Variants in MTMR2 observed in about 807,000 individuals in gnomAD.
The protein encoded by MTMR2 is myotubularin related protein 2, also known as phosphatidylinositol-3,5-bisphosphate 3-phosphatase MTMR2.
Under a neutral mutation model 86.9 loss-of-function variants are expected in MTMR2, and 55 were observed. The observed-to-expected ratio is 0.63, with a 90% confidence interval of 0.51 to 0.79. MTMR2 has a LOEUF of 0.79. Among genes scored for constraint, MTMR2 ranks in the 30% least tolerant of loss-of-function variants. MTMR2 has a pLI of 0.00. For synonymous variants in MTMR2, 241 were observed against 266.8 expected, an observed-to-expected ratio of 0.90 and a Z score of 0.94; for missense variants, 659 against 772.3, an observed-to-expected ratio of 0.85 and a Z score of 1.74.
At position 95,862,352 on chromosome 11, in the gene MTMR2, A is replaced by T. The variant is rs1184835554; in HGVS notation, c.277T>A (p.Tyr93Asn). 6.2e-7 allele frequency: 1 copy of T among 1,614,004 alleles called. No individual in the cohort carries two copies. The highest frequency in any genetic ancestry group is 1.3e-5 in the African/African-American group (1 of 75,068). ...NIKDMAKDVT[Y>N]ICPFTGAVRG... Reference sequence around the variant, plus strand: ...ACAGCGCCAGTGAATGGACATATATAAGTTACATCTTTGGCTGAAAAAGCA... The same window carrying T: ...ACAGCGCCAGTGAATGGACATATATTAGTTACATCTTTGGCTGAAAAAGCA... Residue 93 changes from tyrosine (Y) to asparagine (N), a missense_variant, in exon 4 of 15, where the codon TAT becomes AAT. Physicochemically the swap from Tyr to Asn is moderately radical, Grantham distance 143. This residue lies in a region of MTMR2 where 387 missense variants were observed against 526.3 expected (regional missense o/e 0.74). Coordinates refer to ENST00000346299, the MANE Select transcript of MTMR2 (RefSeq NM_016156.6).
chr11:95,836,214 G>A lies in MTMR2; in HGVS notation c.1704C>T (p.Ala568=). 1 of 1,612,894 alleles carries A rather than the reference G, an allele frequency of 6.2e-7. No individual in the cohort carries two copies. The highest frequency in any genetic ancestry group is 8.5e-7 in the Non-Finnish European group (1 of 1,179,180). The change falls in exon 14 of 15, where the codon GCC becomes GCT. Residue 568 remains alanine, a synonymous_variant. Transcript: ENST00000346299. ...SYSNHVLYPV[A]SMRHLELWVG... Reference sequence around the variant, plus strand: ...CCCAGAGCTCTAGGTGGCGCATGCTGGCTACTGGATAAAGGACATGATTGG... The same window carrying A: ...CCCAGAGCTCTAGGTGGCGCATGCTAGCTACTGGATAAAGGACATGATTGG...
At chr11:95,904,857 C>G (rs142566630) in intron 1 of MTMR2, among the ~76,000 whole-genome samples, 3 of 152,202 alleles carry the variant, frequency 2.0e-5, no homozygotes, top group Non-Finnish European at 2.9e-5. Flanking sequence ...GGATCAGGAC[C>G]CCTTTCCGGT....
At chr11:95,845,383 A>C (rs1863743920) in intron 10 of MTMR2, among the ~76,000 whole-genome samples, 1 of 152,154 alleles carries the variant, frequency 6.6e-6, no homozygotes, top group Non-Finnish European at 1.5e-5. Context: ...TGCCCAACGA[A>C]ATAGCCAAAT....
intron 2 of MTMR2, among the ~76,000 whole-genome samples, chr11:95,872,071 T>C (rs1208365508): frequency 2.0e-5 from 3 of 152,302 alleles, no homozygotes; most frequent in Middle Eastern, 3.4e-3. Flanking sequence ...TCCAGCTTTG[T>C]TCTTTTGGCT....
chr11:95,896,027 T>C (rs1314111133), intron 1 of MTMR2, among the ~76,000 whole-genome samples: 1 of 152,010 alleles, frequency 6.6e-6, no homozygotes, highest in Non-Finnish European at 1.5e-5. Context: ...CTTGCCTCCT[T>C]CTCCAGTTCC....
chr11:95,884,328 T>C lies in MTMR2; in HGVS notation c.186+3828A>G, dbSNP rs79686412. 2.4e-4 allele frequency among the ~76,000 whole-genome samples: 37 copies of C among 152,332 alleles called. 1 individual carries two copies. In the East Asian group the frequency reaches 3.9e-3, roughly 16 times the overall value. On this transcript the variant is annotated intron_variant, in intron 2 of 14. Coordinates refer to ENST00000346299, the MANE Select transcript of MTMR2 (RefSeq NM_016156.6). The stretch of plus-strand genomic sequence containing the variant: ...TTTCTCAAAGATTTATTAAGAAATA[T>C]TGAAACCCACTATTTTCATCCCCCA...
intron 2 of MTMR2, among the ~76,000 whole-genome samples, chr11:95,870,138 T>A (rs1864798910): frequency 6.6e-6 from 1 of 152,110 alleles, no homozygotes; most frequent in South Asian, 2.1e-4. Flanking sequence ...TTGAAATGCA[T>A]CAAAAAGTAA....
In MTMR2 at chr11:95,833,641, G is replaced by A. The variant is rs1186575294; in HGVS notation, c.*1649C>T. The stretch of plus-strand genomic sequence containing the variant: ...TTAAGACTAGAAGCTTTAAATTCTT[G>A]ATCTCTTCAGCCATTCTACATTCTT... On this transcript the variant is annotated 3_prime_UTR_variant, in exon 15 of 15. Transcript: ENST00000346299. The A allele has an allele frequency of 6.6e-6, 1 of 152,070 alleles. No individual in the cohort carries two copies. The highest frequency in any genetic ancestry group is 1.9e-4 in the East Asian group (1 of 5,190). The allele number at this position is 152,070 out of a possible 1,614,324, so 9.4% of individuals were successfully genotyped here.
chr11:95,872,617 C>A (rs1049700615), intron 2 of MTMR2, among the ~76,000 whole-genome samples: 34 of 152,128 alleles, frequency 2.2e-4, no homozygotes, highest in Admixed American at 1.6e-3. Flanking sequence ...CCTTCTCCTG[C>A]CTGATTGCCC....
chr11:95,877,363 T>TA (rs1591014349), intron 2 of MTMR2, among the ~76,000 whole-genome samples: 1 of 142,692 alleles, frequency 7.0e-6, no homozygotes, highest in Non-Finnish European at 1.5e-5. Context: ...TTTTTTTTTT[T>TA]ATATAACACA....
chr11:95,870,727 TTTTC>T (rs1389988207), intron 2 of MTMR2, among the ~76,000 whole-genome samples: 1 of 135,628 alleles, frequency 7.4e-6, no homozygotes, highest in African/African-American at 3.3e-5. Flanking sequence ...AAGGTTCTTT[TTTTC>T]TTTTTCTTTT....
chr11:95,862,194 TAGAAATGATC>T, intron 4 of MTMR2, 68 bp downstream of exon 4: 1 of 1,534,230 alleles, frequency 6.5e-7, no homozygotes, highest in Admixed American at 1.7e-5. Flanking sequence ...ATGCTTTAAT[TAGAAATGATC>T]AGAAATGAAC....
chr11:95,880,999 T>C (rs2135530051), intron 2 of MTMR2, among the ~76,000 whole-genome samples: 1 of 152,258 alleles, frequency 6.6e-6, no homozygotes, highest in African/African-American at 2.4e-5. Flanking sequence ...ATTTTAAATA[T>C]TCTTCCTGAT....
intron 11 of MTMR2, 126 bp from the exon 12 acceptor site, chr11:95,841,835 C>T (rs921594910): frequency 1.3e-6 from 1 of 741,242 alleles, no homozygotes; most frequent in Non-Finnish European, 2.4e-6. Context: ...GTGGTTTACA[C>T]CTGTAATCCC....
At chr11:95,837,002 A>G (rs1215553616) in intron 13 of MTMR2, among the ~76,000 whole-genome samples, 2 of 152,044 alleles carry the variant, frequency 1.3e-5, no homozygotes, top group Admixed American at 6.6e-5. Context: ...ATTATTATCA[A>G]TTTAAAAAGT....
chr11:95,865,479 A>T, intron 3 of MTMR2, 122 bp downstream of exon 3: 1 of 911,160 alleles, frequency 1.1e-6, no homozygotes, highest in Non-Finnish European at 1.8e-6. Context: ...GACTGCAGGT[A>T]AAGAGTTCTG....
intron 5 of MTMR2, among the ~76,000 whole-genome samples, chr11:95,860,842 T>G (rs181750889): frequency 3.9e-4 from 60 of 152,180 alleles, no homozygotes; most frequent in Middle Eastern, 3.4e-3. Flanking sequence ...CAATATCAAC[T>G]TTTCCACACT....
chr11:95,864,990 C>T (rs1565360784), intron 3 of MTMR2, among the ~76,000 whole-genome samples: 1 of 151,982 alleles, frequency 6.6e-6, no homozygotes, highest in East Asian at 1.9e-4. Flanking sequence ...TAGATTATCA[C>T]ACAGATGAAA....
At chr11:95,906,162 T>A (rs939173267) in intron 1 of MTMR2, among the ~76,000 whole-genome samples, 3 of 152,082 alleles carry the variant, frequency 2.0e-5, no homozygotes, top group African/African-American at 7.2e-5. Context: ...GAGGCAGAGG[T>A]TGCAGTGAGC....
Sources: allele counts gnomAD v4.1 joint callset (sites outside exome capture counted in the v4.1 genomes callset), GRCh38; gene constraint gnomAD v4.1.1; regional missense constraint gnomAD v4.1.1; transcripts MANE v1.5; gene names NCBI Gene and HGNC (gene_info 2026-07-23, HGNC 2026-07-21).